The following CHN1 variants were observed in gnomAD, a reference collection of about 807,000 sequenced individuals.
CHN1 encodes chimerin 1.
A neutral mutation model predicts 59.5 loss-of-function variants in CHN1; 37 were observed. That is an observed-to-expected ratio of 0.62 (90% confidence interval 0.48 to 0.82). The LOEUF is 0.82. Ranked by LOEUF, CHN1 falls within the 40% of genes least tolerant of loss-of-function variation. CHN1 has a pLI of 0.00. For missense variants in CHN1, 469 were observed against 571.0 expected, an observed-to-expected ratio of 0.82 and a Z score of 1.82; for synonymous variants, 206 against 200.4, an observed-to-expected ratio of 1.03 and a Z score of -0.24.
At chr2:174,936,065 T>C (rs1689487272) in intron 3 of CHN1, among the ~76,000 whole-genome samples, 1 of 152,232 alleles carries the variant, frequency 6.6e-6, no homozygotes. Context: ...CATTTCTCAT[T>C]ACACTAATAG....
At chr2:174,899,141 C>A (rs1030315883) in intron 5 of CHN1, among the ~76,000 whole-genome samples, 2 of 151,856 alleles carry the variant, frequency 1.3e-5, no homozygotes, top group African/African-American at 4.8e-5. Context: ...CCAGTAGATT[C>A]TTTTTGAATG....
intron 1 of CHN1, among the ~76,000 whole-genome samples, chr2:174,966,031 A>T (rs1690578768): frequency 6.6e-6 from 1 of 152,224 alleles, no homozygotes; most frequent in Admixed American, 6.5e-5. Context: ...ATGAGAAACA[A>T]AAATGAGCCT....
chr2:174,932,723 T>G (rs368260526), intron 3 of CHN1, among the ~76,000 whole-genome samples: 12 of 152,242 alleles, frequency 7.9e-5, no homozygotes, highest in African/African-American at 2.9e-4. Flanking sequence ...TCTCACGAGA[T>G]TTGGTTGTTT....
intron 6 of CHN1, among the ~76,000 whole-genome samples, chr2:174,859,365 G>A (rs1331742319): frequency 6.6e-6 from 1 of 152,110 alleles, no homozygotes; most frequent in African/African-American, 2.4e-5. Flanking sequence ...AACAGGCTTG[G>A]GTGCCCAAGG....
At chr2:174,952,231 A>G in intron 1 of CHN1, 29 bp from the exon 2 acceptor site, 1 of 1,249,056 alleles carries the variant, frequency 8.0e-7, no homozygotes. Flanking sequence ...AATTAACATT[A>G]CTGAATATTT....
intron 4 of CHN1, among the ~76,000 whole-genome samples, chr2:174,916,119 G>A (rs140337644): frequency 6.6e-6 from 1 of 152,288 alleles, no homozygotes; most frequent in East Asian, 1.9e-4. Flanking sequence ...CCTCCCATGA[G>A]TTTCAGCAAC....
At chr2:174,983,693 T>G (rs1038260329) in intron 1 of CHN1, among the ~76,000 whole-genome samples, 5 of 152,106 alleles carry the variant, frequency 3.3e-5, no homozygotes, top group African/African-American at 1.2e-4. Context: ...CTGGGCTTGG[T>G]GGCATGCGCC....
At chr2:174,827,366 A>G (rs1685722476) in intron 7 of CHN1, among the ~76,000 whole-genome samples, 1 of 152,236 alleles carries the variant, frequency 6.6e-6, no homozygotes. Context: ...AAATATTTGC[A>G]AAGTGTGAGA....
chr2:174,938,838 T>C (rs185870645), intron 3 of CHN1, among the ~76,000 whole-genome samples: 2 of 152,042 alleles, frequency 1.3e-5, no homozygotes, highest in Admixed American at 6.6e-5. Flanking sequence ...AACATGACTA[T>C]TTTTTTGGAG....
Position 175,004,927 on chromosome 2 carries a change from C to T in CHN1, c.-15G>A, listed in dbSNP as rs574538191. ...GTCAGGGCCATTGTAAAGGCGCTCG[C>T]CGCCGCCCGCGAGTCCAGGCGCTCC... On this transcript the variant is annotated 5_prime_UTR_variant, in exon 1 of 13. Transcript: ENST00000409900. 7 of 1,532,576 alleles carry T rather than the reference C, an allele frequency of 4.6e-6. No homozygotes were observed. The Admixed American group carries it at 9.9e-5, about 22-fold the overall frequency. 94.9% of individuals were successfully genotyped at this position (1,532,576 alleles called of 1,614,324 possible). A position where few individuals can be genotyped will look rare whatever the true frequency, so the allele number is the denominator to read the frequency against.
chr2:174,991,320 T>C (rs967080671), intron 1 of CHN1, among the ~76,000 whole-genome samples: 1 of 152,212 alleles, frequency 6.6e-6, no homozygotes, highest in Non-Finnish European at 1.5e-5. Context: ...CCCATCATTT[T>C]TCCTACCTTT....
rs190512847 is a variant in CHN1 at position 174,884,203 on chromosome 2, C to T, written c.261-6075G>A. On this transcript the variant is annotated intron_variant, in intron 5 of 12. Transcript: ENST00000409900. ...AACCAGGATGGTCTCGATCTCCTGA[C>T]CTCGTGATCCACCCACCTCGGTCTC... is the stretch of plus-strand genomic sequence containing the variant. 2.7e-3 allele frequency among the ~76,000 whole-genome samples: 417 copies of T among 152,012 alleles called. 1 individual carries two copies. The highest frequency in any genetic ancestry group is 4.6e-3 in the Non-Finnish European group (313 of 67,962).
intron 1 of CHN1, among the ~76,000 whole-genome samples, chr2:174,988,968 T>C (rs1691447984): frequency 6.6e-6 from 1 of 152,210 alleles, no homozygotes. Context: ...CTGCATTTTT[T>C]CAAAAATAGT....
chr2:174,878,609 G>A (rs1687645012), intron 5 of CHN1, among the ~76,000 whole-genome samples: 1 of 152,176 alleles, frequency 6.6e-6, no homozygotes, highest in Admixed American at 6.5e-5. Flanking sequence ...AGAATATGAT[G>A]CCAGCAATCA....
chr2:174,816,449 A>G (rs1167023060), intron 8 of CHN1, among the ~76,000 whole-genome samples: 3 of 152,110 alleles, frequency 2.0e-5, no homozygotes, highest in African/African-American at 7.2e-5. Flanking sequence ...TAGAGAATGG[A>G]AGGTATGACT....
chr2:174,928,362 G>GA (rs1222686546), intron 3 of CHN1, among the ~76,000 whole-genome samples: 1 of 152,078 alleles, frequency 6.6e-6, no homozygotes, highest in African/African-American at 2.4e-5. Flanking sequence ...ACATTTAAGT[G>GA]AAAAAATCAA....
chr2:174,928,157 C>T (rs1408951757), intron 3 of CHN1, among the ~76,000 whole-genome samples: 1 of 152,066 alleles, frequency 6.6e-6, no homozygotes, highest in Non-Finnish European at 1.5e-5. Flanking sequence ...ATTCTAATTT[C>T]TTATACTATA....
chr2:174,895,198 G>GTGTA (rs1462937684), intron 5 of CHN1, among the ~76,000 whole-genome samples: 2 of 141,094 alleles, frequency 1.4e-5, no homozygotes, highest in African/African-American at 5.3e-5. Flanking sequence ...GTGTGTGTGT[G>GTGTA]TATATATATA....
chr2:174,917,171 G>A (rs1341084238), intron 4 of CHN1, among the ~76,000 whole-genome samples: 3 of 152,144 alleles, frequency 2.0e-5, no homozygotes, highest in East Asian at 1.9e-4. Flanking sequence ...GGTGGCTCAC[G>A]CCTATAATCC....
Sources: allele counts gnomAD v4.1 joint callset (sites outside exome capture counted in the v4.1 genomes callset), GRCh38; gene constraint gnomAD v4.1.1; transcripts MANE v1.5; gene names NCBI Gene and HGNC (gene_info 2026-07-23, HGNC 2026-07-21).